ZNF879: variants seen among roughly 807,000 people sequenced by gnomAD.
ZNF879 encodes zinc finger protein 879.
In ZNF879, 32 loss-of-function variants were observed where a neutral mutation model predicts 44.3. The observed-to-expected ratio is 0.72, with a 90% confidence interval of 0.54 to 0.97. The LOEUF (loss-of-function observed/expected upper bound fraction) is 0.97, where lower values mean the gene tolerates loss of function less well. Ranked by LOEUF, ZNF879 falls within the 50% of genes least tolerant of loss-of-function variation. The pLI, the probability that ZNF879 is intolerant of heterozygous loss-of-function variation, is 0.00. For missense variants in ZNF879, 621 were observed against 669.7 expected, an observed-to-expected ratio of 0.93 and a Z score of 0.80; for synonymous variants, 234 against 233.2, an observed-to-expected ratio of 1.00 and a Z score of -0.03.
At chr5:179,026,733 C>T (rs181612902) in intron 2 of ZNF879, among the ~76,000 whole-genome samples, 287 of 152,346 alleles carry the variant, frequency 1.9e-3, no homozygotes, top group Non-Finnish European at 3.3e-3. Flanking sequence ...AAGTAATCCT[C>T]CTTTCTCGGC....
At chr5:179,024,861 G>C (rs1203911426) in intron 1 of ZNF879, 109 bp from the exon 2 acceptor site, 5 of 844,284 alleles carry the variant, frequency 5.9e-6, no homozygotes, top group Non-Finnish European at 9.4e-6. Flanking sequence ...GCAGTTCCAG[G>C]CTCCTTCTCT....
rs1761483213 is a variant in ZNF879 at position 179,033,146 on chromosome 5, T to C, written c.1198T>C (p.Tyr400His). ...HQRIHTGEKP[Y>H]ACKECGKAFS... is the part of the protein sequence containing the mutation. ...GAGAATTCACACTGGTGAGAAACCA[T>C]ATGCATGCAAAGAATGTGGGAAAGC... The change falls in exon 5 of 5, where the codon TAT (tyrosine) becomes CAT (histidine). Residue 400 changes from tyrosine (Y) to histidine (H), a missense_variant. Transcript: ENST00000444149. 6.3e-7 allele frequency: 1 copy of C among 1,589,060 alleles called. No homozygotes were observed. Among genetic ancestry groups the C allele is most frequent in the Non-Finnish European group, 8.6e-7 (1 of 1,167,412 alleles).
At chr5:179,024,728 T>C in intron 1 of ZNF879, 1 of 488,614 alleles carries the variant, frequency 2.0e-6, no homozygotes, top group Non-Finnish European at 3.7e-6. Flanking sequence ...GCAGATGGTC[T>C]TCATCCCTTC....
At chr5:179,028,181 A>G in intron 4 of ZNF879, 54 bp downstream of exon 4, 1 of 1,499,544 alleles carries the variant, frequency 6.7e-7, no homozygotes. Context: ...CTGCCAGGGC[A>G]CAGCGAGGAG....
rs560494513 is a variant in ZNF879, at chr5:179,026,769, G to A, written c.34-704G>A. On this transcript the variant is annotated intron_variant, in intron 2 of 4. Transcript: ENST00000444149. ...CTCCCAAAGTGCTGGGATTATAGGC[G>A]TAAGCCACTGTGCCCAGCCAAGAAG... Among the ~76,000 whole-genome samples the A allele has an allele frequency of 1.8e-3, 276 of 152,352 alleles. 1 individual carries two copies. Among genetic ancestry groups the A allele is most frequent in the African/African-American group, 6.2e-3 (257 of 41,590 alleles).
chr5:179,032,449 A>G lies in ZNF879; in HGVS notation c.501A>G (p.Lys167=). The change falls in exon 5 of 5, where the codon AAA becomes AAG. Residue 167 remains lysine, a synonymous_variant. Transcript: ENST00000444149. ...AATTTGGGAAAAATCTTGGTCTAAAATCATCGCTTATTAGAAAACCGAGAA... is the reference window on the plus strand; with the variant it reads ...AATTTGGGAAAAATCTTGGTCTAAAGTCATCGCTTATTAGAAAACCGAGAA... The part of the protein sequence containing the change: ...GVEFGKNLGL[K]SSLIRKPRIV... 6.4e-7 allele frequency: 1 copy of G among 1,551,706 alleles called. No homozygotes were observed. The highest frequency in any genetic ancestry group is 8.7e-7 in the Non-Finnish European group (1 of 1,146,988).
chr5:179,024,807 C>T (rs1561732238), intron 1 of ZNF879, 163 bp from the exon 2 acceptor site: 2 of 588,306 alleles, frequency 3.4e-6, no homozygotes, highest in East Asian at 2.8e-5. Flanking sequence ...AACCTGCTTC[C>T]CACACTGGTT....
chr5:179,031,242 G>A (rs1386242680), intron 4 of ZNF879, among the ~76,000 whole-genome samples: 1 of 152,174 alleles, frequency 6.6e-6, no homozygotes, highest in Non-Finnish European at 1.5e-5. Context: ...AGCCCTCAGT[G>A]ATGCTGATGA....
Position 179,032,322 on chromosome 5 carries a change from A to T in ZNF879, c.374A>T (p.Asp125Val). 1 of 1,551,102 alleles carries T rather than the reference A, an allele frequency of 6.4e-7. No individual in the cohort carries two copies. The highest frequency in any genetic ancestry group is 2.4e-5 in the East Asian group (1 of 40,908). ...TTGGAGAAGACCTACATAAATGAAGATAAGTTAGAGAAGCAACAAGGCAAA... is the reference window on the plus strand; with the variant it reads ...TTGGAGAAGACCTACATAAATGAAGTTAAGTTAGAGAAGCAACAAGGCAAA... ...FKLEKTYINE[D>V]KLEKQQGKKN... Residue 125 changes from aspartate to valine, a missense_variant, in exon 5 of 5, where the codon GAT becomes GTT. By Grantham distance (152) the Asp-to-Val change is radical (BLOSUM62 -3). Transcript: ENST00000444149.
intron 4 of ZNF879, among the ~76,000 whole-genome samples, chr5:179,028,952 C>A (rs899224862): frequency 3.3e-5 from 5 of 152,206 alleles, no homozygotes; most frequent in African/African-American, 4.8e-5. Context: ...TCTGTCTTCA[C>A]ATTTTTCCCT....
intron 2 of ZNF879, among the ~76,000 whole-genome samples, chr5:179,026,515 C>T (rs1443800734): frequency 6.6e-6 from 1 of 152,166 alleles, no homozygotes; most frequent in Non-Finnish European, 1.5e-5. Flanking sequence ...CAGGATCTTA[C>T]TCTGTTGCCC....
rs1236396628 is a variant in ZNF879, at chr5:179,033,443, C to CT, written c.1496dup (p.Ile500AsnfsTer14). The CT allele has an allele frequency of 6.4e-7, 1 of 1,564,806 alleles. No individual in the cohort carries two copies. The highest frequency in any genetic ancestry group is 1.2e-5 in the South Asian group (1 of 85,164). On this transcript the variant is annotated frameshift_variant, in exon 5 of 5. Transcript: ENST00000444149. LOFTEE classifies it high-confidence loss of function. The stretch of plus-strand genomic sequence containing the variant: ...GAAAGCCTTCAACCAAAGCTCAGCT[C>CT]TAATTCAGCACCAGAGAATTCATAC...
intron 2 of ZNF879, among the ~76,000 whole-genome samples, chr5:179,026,274 C>G (rs939021541): frequency 6.6e-6 from 1 of 152,048 alleles, no homozygotes. Flanking sequence ...TACTGGGCAG[C>G]ATGTAAACAG....
At chr5:179,027,300 G>T in intron 2 of ZNF879, 173 bp from the exon 3 acceptor site, 1 of 880,914 alleles carries the variant, frequency 1.1e-6, no homozygotes, top group African/African-American at 1.7e-5. Context: ...CAAGCTTCCT[G>T]AGGGGACGGT....
At chr5:179,031,876 C>T (rs1761426115) in intron 4 of ZNF879, among the ~76,000 whole-genome samples, 1 of 152,148 alleles carries the variant, frequency 6.6e-6, no homozygotes, top group South Asian at 2.1e-4. Context: ...TGGTATTTAC[C>T]TGAGTGCACT....
chr5:179,024,585 G>A (rs1409441634), intron 1 of ZNF879: 1 of 161,746 alleles, frequency 6.2e-6, no homozygotes, highest in Non-Finnish European at 1.3e-5. Flanking sequence ...CTAAAAAAGA[G>A]CATCAGTTCT....
chr5:179,028,446 T>A (rs542720714), intron 4 of ZNF879, among the ~76,000 whole-genome samples: 1 of 152,356 alleles, frequency 6.6e-6, no homozygotes, highest in South Asian at 2.1e-4. Flanking sequence ...ATTATTTTCC[T>A]TAGTGGCTTG....
At chr5:179,026,131 A>G (rs1761263621) in intron 2 of ZNF879, among the ~76,000 whole-genome samples, 1 of 151,934 alleles carries the variant, frequency 6.6e-6, no homozygotes, top group Non-Finnish European at 1.5e-5. Context: ...TCTGAAGGAG[A>G]TAAGCTTTGT....
In ZNF879 at chr5:179,028,142, A is replaced by AATT; in HGVS notation, c.256+16_256+18dup. On this transcript the variant is annotated intron_variant, in intron 4 of 4. Coordinates refer to ENST00000444149, the MANE Select transcript of ZNF879 (RefSeq NM_001136116.3). ...CGCACATCTCGGTGAGTGACAGAGT[A>AATT]ATTGGGAGATGGGCATAACATTTTC... The AATT allele has an allele frequency of 6.5e-7, 1 of 1,550,278 alleles. No individual in the cohort carries two copies. Among genetic ancestry groups the AATT allele is most frequent in the Non-Finnish European group, 8.7e-7 (1 of 1,145,826 alleles).
Sources: allele counts gnomAD v4.1 joint callset (sites outside exome capture counted in the v4.1 genomes callset), GRCh38; gene constraint gnomAD v4.1.1; transcripts MANE v1.5; gene names NCBI Gene and HGNC (gene_info 2026-07-23, HGNC 2026-07-21).